The following ARID1B variants were observed in gnomAD, a reference collection of about 807,000 sequenced individuals.
ARID1B encodes the protein AT-rich interaction domain 1B.
In ARID1B, 30 loss-of-function variants were observed where a neutral mutation model predicts 212.3. That is an observed-to-expected ratio of 0.14 (90% CI 0.11 to 0.19). The LOEUF is 0.19. ARID1B is among the 10% of genes least tolerant of loss of function. The pLI is 1.00. For synonymous variants in ARID1B, 1,402 were observed against 1,301.7 expected (o/e 1.08, Z -1.66); for missense variants, 2,891 against 3,204.0 (o/e 0.90, Z 2.36).
chr6:156,871,747 G>T, intron 2 of ARID1B: 3 of 1,403,294 alleles, frequency 2.1e-6, no homozygotes, highest in Admixed American at 1.9e-5. Flanking sequence ...TTCCCCTCCT[G>T]CAGGAACAGG....
chr6:157,030,792 T>A (rs755441674), intron 4 of ARID1B, among the ~76,000 whole-genome samples: 9 of 152,228 alleles, frequency 5.9e-5, no homozygotes, highest in Non-Finnish European at 1.0e-4. Flanking sequence ...GCTTTTTGAT[T>A]GCATAGATGT....
rs148700132 is a variant in ARID1B at position 157,084,733 on chromosome 6, C to T, written c.2319C>T (p.Ser773=). The T allele has an allele frequency of 1.5e-4, 250 of 1,614,026 alleles. No individual in the cohort carries two copies. Among genetic ancestry groups the T allele is most frequent in the Non-Finnish European group, 2.0e-4 (236 of 1,180,028 alleles). ...CTTTGAGCTCAGCAGTCAGTGCATC[C>T]GGGTCCACGAGCAGCCAAGGGGATC... ...EATLSSAVSA[S]GSTSSQGDQS... Residue 773 remains serine (S), a synonymous_variant, in exon 5 of 20, where the codon TCC becomes TCT. Coordinates refer to ENST00000636930, the MANE Select transcript of ARID1B (RefSeq NM_001374828.1).
chr6:156,819,758 C>CT (rs1462948209), intron 1 of ARID1B, among the ~76,000 whole-genome samples: 1 of 152,182 alleles, frequency 6.6e-6, no homozygotes, highest in Non-Finnish European at 1.5e-5. Context: ...CACTGTTACT[C>CT]TGAGAGGATC....
intron 4 of ARID1B, among the ~76,000 whole-genome samples, chr6:157,043,495 G>A (rs886581021): frequency 2.6e-5 from 4 of 151,976 alleles, no homozygotes; most frequent in Non-Finnish European, 5.9e-5. Flanking sequence ...ATTCTATTAC[G>A]TGGCATTTTC....
chr6:156,781,975 C>CTTTTTTTTTTTTTT lies in ARID1B; in HGVS notation c.1791+2520_1791+2533dup, dbSNP rs57443841. On this transcript the variant is annotated intron_variant, in intron 1 of 19. Coordinates refer to ENST00000636930, the MANE Select transcript of ARID1B (RefSeq NM_001374828.1). ...TGTCCCTATGACCCTTGGGAATAGG[C>CTTTTTTTTTTTTTT]TTTTTTTTTTTTTTTTTTTTTTTTT... is the stretch of plus-strand genomic sequence containing the variant. Among the ~76,000 whole-genome samples the CTTTTTTTTTTTTTT allele has an allele frequency of 8.7e-4, 34 of 39,228 alleles. 9 individuals are homozygous for CTTTTTTTTTTTTTT. Among genetic ancestry groups the CTTTTTTTTTTTTTT allele is most frequent in the Admixed American group, 2.2e-3 (5 of 2,278 alleles). 25.7% of individuals were successfully genotyped at this position (39,228 alleles called of 152,430 possible).
At chr6:157,040,450 G>C (rs1781812481) in intron 4 of ARID1B, among the ~76,000 whole-genome samples, 1 of 152,168 alleles carries the variant, frequency 6.6e-6, no homozygotes, top group Non-Finnish European at 1.5e-5. Flanking sequence ...GCTCCTTTTA[G>C]TGATGATCTT....
intron 2 of ARID1B, among the ~76,000 whole-genome samples, chr6:156,844,910 G>A (rs1357210441): frequency 6.6e-6 from 1 of 152,178 alleles, no homozygotes; most frequent in African/African-American, 2.4e-5. Context: ...TACATCACCA[G>A]TTTATCCTCA....
At chr6:156,875,158 T>C (rs947501307) in intron 2 of ARID1B, among the ~76,000 whole-genome samples, 1 of 152,256 alleles carries the variant, frequency 6.6e-6, no homozygotes, top group Non-Finnish European at 1.5e-5. Context: ...ATTTATTCAT[T>C]GTTCCCGCAT....
chr6:157,207,570 A>C lies in ARID1B; in HGVS notation c.6798A>C (p.Ala2266=), dbSNP rs1313083728. ...ALLSNLAQGD[A]LAARAIAVQK... is the part of the protein sequence containing the mutation. ...TATCGAACCTTGCCCAAGGGGACGC[A>C]CTAGCAGCAAGGGCCATAGCTGTGC... Residue 2266 remains alanine (A), a synonymous_variant, in exon 20 of 20, where the codon GCA becomes GCC. Transcript: ENST00000636930. This position sits in a 1 kb window ranked among gnomAD's most constrained non-coding sequence, Gnocchi z 8.5. The C allele has an allele frequency of 6.2e-7, 1 of 1,614,214 alleles. No homozygotes were observed. The highest frequency in any genetic ancestry group is 1.1e-5 in the South Asian group (1 of 91,084).
intron 4 of ARID1B, among the ~76,000 whole-genome samples, chr6:157,039,247 A>C (rs934173482): frequency 6.6e-6 from 1 of 151,918 alleles, no homozygotes; most frequent in Admixed American, 6.6e-5. Context: ...TTTCACAGTA[A>C]TAGATGCTTT....
At chr6:156,830,425 T>C (rs756216048) in intron 2 of ARID1B, among the ~76,000 whole-genome samples, 2 of 152,214 alleles carry the variant, frequency 1.3e-5, no homozygotes, top group Non-Finnish European at 2.9e-5. Context: ...AAATTAGATA[T>C]GACTACTGTT....
rs9480395 is a variant in ARID1B at position 156,838,038 on chromosome 6, G to A, written c.1986+8617G>A. Among the ~76,000 whole-genome samples, 416 of 152,322 alleles carry A rather than the reference G, an allele frequency of 2.7e-3. 2 individuals carry two copies. The highest frequency in any genetic ancestry group is 4.4e-3 in the Non-Finnish European group (299 of 68,016). ...CTTCCCAATTCTTATGGAGAAGTGT[G>A]TTTAATTTAGAAAGCAGACCATATT... On this transcript the variant is annotated intron_variant, in intron 2 of 19. Coordinates refer to ENST00000636930, the MANE Select transcript of ARID1B (RefSeq NM_001374828.1).
intron 2 of ARID1B, among the ~76,000 whole-genome samples, chr6:156,878,809 A>G (rs962311261): frequency 6.6e-6 from 1 of 152,198 alleles, no homozygotes; most frequent in African/African-American, 2.4e-5. Flanking sequence ...AATGCTTGCA[A>G]TTGCACTGGG....
chr6:157,095,354 C>T (rs190082209), intron 5 of ARID1B, among the ~76,000 whole-genome samples: 1 of 152,332 alleles, frequency 6.6e-6, no homozygotes, highest in Non-Finnish European at 1.5e-5. Flanking sequence ...TCAGTACTTT[C>T]TTAAAGCTCT....
Position 156,901,489 on chromosome 6 carries a change from GCCGTCC to G in ARID1B, c.2102_2107del (p.Pro701_Ser702del). The G allele has an allele frequency of 6.2e-7, 1 of 1,613,890 alleles. No homozygotes were observed. Among genetic ancestry groups the G allele is most frequent in the Non-Finnish European group, 8.5e-7 (1 of 1,180,002 alleles). ...ACCTCCCACCCCAGGCGCAGTATCT[GCCGTCC>G]CAGTCCCAGCAGAGGTACCAGCCGC... On this transcript the variant is annotated inframe_deletion, in exon 3 of 20. Coordinates refer to ENST00000636930, the MANE Select transcript of ARID1B (RefSeq NM_001374828.1).
chr6:156,959,596 A>G (rs1304886548), intron 4 of ARID1B, among the ~76,000 whole-genome samples: 1 of 152,072 alleles, frequency 6.6e-6, no homozygotes, highest in Non-Finnish European at 1.5e-5. Context: ...GAGGATCAGG[A>G]GGGTTGTAGT....
chr6:157,144,342 C>T (rs911284640), intron 7 of ARID1B, among the ~76,000 whole-genome samples: 2 of 152,074 alleles, frequency 1.3e-5, no homozygotes, highest in African/African-American at 2.4e-5. Context: ...AAGACTAAAA[C>T]GTTATTTCAT....
intron 1 of ARID1B, among the ~76,000 whole-genome samples, chr6:156,806,767 C>G (rs1310843745): frequency 6.6e-6 from 1 of 152,120 alleles, no homozygotes; most frequent in African/African-American, 2.4e-5. Flanking sequence ...ATCAGGGGGT[C>G]AGCAAACTTT....
At chr6:156,897,218 G>GCTGCTGCTTCTTCTTCTTCTT (rs1554264583) in intron 2 of ARID1B, among the ~76,000 whole-genome samples, 39 of 91,360 alleles carry the variant, frequency 4.3e-4, no homozygotes, top group South Asian at 8.6e-4. Context: ...TGCTGCTGCT[G>GCTGCTGCTTCTTCTTCTTCTT]CTTCTTCTTC....
Sources: allele counts gnomAD v4.1 joint callset (sites outside exome capture counted in the v4.1 genomes callset), GRCh38; gene constraint gnomAD v4.1.1; non-coding constraint Gnocchi (gnomAD v3.1); transcripts MANE v1.5; gene names NCBI Gene and HGNC (gene_info 2026-07-23, HGNC 2026-07-21).